BSG: variants seen among roughly 807,000 people sequenced by gnomAD.
BSG encodes the protein basigin.
In BSG, 37 loss-of-function variants were observed where a neutral mutation model predicts 43.1. The observed-to-expected ratio is 0.86, with a 90% CI of 0.66 to 1.13. The LOEUF (loss-of-function observed/expected upper bound fraction) is 1.13, where lower values mean the gene tolerates loss of function less well. BSG is among the 50% of genes most tolerant of loss of function. The pLI, the probability that BSG is intolerant of heterozygous loss-of-function variation, is 0.00. For synonymous variants in BSG, 309 were observed against 238.7 expected, an observed-to-expected ratio of 1.29 and a Z score of -2.72; for missense variants, 599 against 554.2, an observed-to-expected ratio of 1.08 and a Z score of -0.81.
intron 2 of BSG, chr19:579,249 C>G: frequency 3.3e-6 from 2 of 600,582 alleles, no homozygotes; most frequent in South Asian, 3.0e-5. Flanking sequence ...CAGCTGCCAG[C>G]GAAGGGTGCC....
upstream of BSG, chr19:572,528 A>G (rs183979701): frequency 8.7e-4 from 1,093 of 1,259,012 alleles, 33 homozygotes; most frequent in Admixed American, 0.039. Flanking sequence ...CCCCGAGATG[A>G]CGCCGTGCGT....
At chr19:579,379 G>C in intron 2 of BSG, 121 bp from the exon 3 acceptor site, 1 of 1,364,784 alleles carries the variant, frequency 7.3e-7, no homozygotes, top group Non-Finnish European at 1.0e-6. Flanking sequence ...AAGGGCCACG[G>C]TGTATTTTTG....
In BSG at chr19:579,080, C is replaced by T. The variant is rs73918141; in HGVS notation, c.416-420C>T. The T allele has an allele frequency of 9.2e-4, 421 of 459,728 alleles. 1 individual carries two copies. The highest frequency in any genetic ancestry group is 7.8e-3 in the African/African-American group (391 of 50,330). The allele number at this position is 459,728 out of a possible 1,614,324, so 28.5% of individuals were successfully genotyped here. ...TTTAGAAAAGAATTTCCAGTTTGTG[C>T]TGGGGCTGCTACAAGAGCTCGATGC... is the stretch of plus-strand genomic sequence containing the variant. On this transcript the variant is annotated intron_variant, in intron 2 of 8. Coordinates refer to ENST00000333511, the MANE Select transcript of BSG (RefSeq NM_001728.4).
intron 1 of BSG, among the ~76,000 whole-genome samples, chr19:574,116 G>C (rs182543989): frequency 5.3e-4 from 81 of 152,114 alleles, no homozygotes; most frequent in South Asian, 5.2e-3. Context: ...TTAGCTGGGC[G>C]TGTTGGCGCA....
rs371583642 is a variant in BSG at position 581,599 on chromosome 19, G to A, written c.1069+8G>A. Reference sequence around the variant, plus strand: ...CCGAGGACGTCCTGGATGGTGAGCCGTCTGCCCTCCTGCCCACATGCCCTG... The same window carrying A: ...CCGAGGACGTCCTGGATGGTGAGCCATCTGCCCTCCTGCCCACATGCCCTG... On this transcript the variant is annotated splice_region_variant and intron_variant, in intron 6 of 8. Coordinates refer to ENST00000333511, the MANE Select transcript of BSG (RefSeq NM_001728.4). 17 of 1,579,586 alleles carry A rather than the reference G, an allele frequency of 1.1e-5. No homozygotes were observed. Among genetic ancestry groups the A allele is most frequent in the Middle Eastern group, 2.2e-4 (1 of 4,476 alleles).
Position 577,887 on chromosome 19 carries a change from C to T in BSG, c.181C>T (p.Gln61Ter), listed in dbSNP as rs1219939245. 1.3e-6 allele frequency: 2 copies of T among 1,584,166 alleles called. No individual in the cohort carries two copies. Among genetic ancestry groups the T allele is most frequent in the Non-Finnish European group, 1.7e-6 (2 of 1,161,060 alleles). Residue 61 changes from glutamine (Q) to a stop codon, truncating the protein, a stop_gained, in exon 2 of 9, where the codon CAG (glutamine) becomes TAG (stop). Coordinates refer to ENST00000333511, the MANE Select transcript of BSG (RefSeq NM_001728.4). LOFTEE classifies it high-confidence loss of function. Reference protein sequence around the residue: ...VPEIQWWFEGQGPNDTCSQLW... With the variant: ...VPEIQWWFEG ...CGAGATCCAGTGGTGGTTTGAAGGGCAGGGTCCCAACGACACCTGCTCCCA... is the reference window on the plus strand; with the variant it reads ...CGAGATCCAGTGGTGGTTTGAAGGGTAGGGTCCCAACGACACCTGCTCCCA...
upstream of BSG, chr19:572,304 C>T (rs556906699): frequency 2.5e-4 from 214 of 844,690 alleles, no homozygotes; most frequent in Non-Finnish European, 3.0e-4. Flanking sequence ...GGGCGCACCG[C>T]TCTGCGCTCA....
At chr19:580,552 C>T in intron 4 of BSG, 91 bp downstream of exon 4, 1 of 1,603,850 alleles carries the variant, frequency 6.2e-7, no homozygotes, top group African/African-American at 1.3e-5. Context: ...AGCCCTGGCC[C>T]CCTGCTCCCT....
intron 1 of BSG, among the ~76,000 whole-genome samples, chr19:572,919 G>T (rs1227652818): frequency 6.6e-6 from 1 of 151,962 alleles, no homozygotes; most frequent in Non-Finnish European, 1.5e-5. Flanking sequence ...CGGCCTGCCG[G>T]GCTCCCCCGG....
intron 3 of BSG, 128 bp downstream of exon 3, chr19:579,784 C>A: frequency 7.3e-7 from 1 of 1,379,084 alleles, no homozygotes; most frequent in Non-Finnish European, 9.6e-7. Context: ...TAGGGACCAG[C>A]TCCGCGCAGA....
chr19:573,043 C>T (rs904741615), intron 1 of BSG, among the ~76,000 whole-genome samples: 1 of 127,452 alleles, frequency 7.8e-6, no homozygotes, highest in Admixed American at 7.4e-5. Context: ...GGGCGTCTTG[C>T]TTTTCGGTCA....
intron 2 of BSG, chr19:579,149 C>G (rs1015205451): frequency 2.1e-5 from 10 of 479,786 alleles, no homozygotes; most frequent in Non-Finnish European, 4.1e-5. Flanking sequence ...TTGTCTGTCC[C>G]CACACCCTGG....
At chr19:578,394 C>G (rs112902989) in intron 2 of BSG, among the ~76,000 whole-genome samples, 169 of 152,238 alleles carry the variant, frequency 1.1e-3, no homozygotes, top group Middle Eastern at 6.8e-3. Flanking sequence ...GCCATCCGTT[C>G]CGTCGTTTCT....
intron 2 of BSG, 68 bp from the exon 3 acceptor site, chr19:579,431 TG>T (rs1982079789): frequency 1.3e-6 from 2 of 1,597,080 alleles, no homozygotes; most frequent in Non-Finnish European, 1.7e-6. Flanking sequence ...CGCAGGTTCC[TG>T]GGGGTCAGGC....
At chr19:580,065 G>C in intron 3 of BSG, 1 of 435,914 alleles carries the variant, frequency 2.3e-6, no homozygotes, top group Non-Finnish European at 4.1e-6. Context: ...ACGGCCCTGG[G>C]AGCACAGAGC....
At chr19:574,499 G>A (rs1981588235) in intron 1 of BSG, among the ~76,000 whole-genome samples, 1 of 151,982 alleles carries the variant, frequency 6.6e-6, no homozygotes, top group South Asian at 2.1e-4. Flanking sequence ...CTTGCAGTGA[G>A]CCGAGATCGC....
Position 581,637 on chromosome 19 carries a change from C to G in BSG, c.1069+46C>G. 2.6e-6 allele frequency: 4 copies of G among 1,518,612 alleles called. No individual in the cohort carries two copies. The Admixed American group carries it at 7.9e-5, about 30-fold the overall frequency. The allele number at this position is 1,518,612 out of a possible 1,614,324, so 94.1% of individuals were successfully genotyped here. A position where few individuals can be genotyped will look rare whatever the true frequency, so the allele number is the denominator to read the frequency against. On this transcript the variant is annotated intron_variant, in intron 6 of 8. Transcript: ENST00000333511. ...CCCACATGCCCTGCTCTCGGGGTGG[C>G]CCAGGGCCACTCCTGGTCCGTCCCT...
chr19:582,432 C>T (rs1982406347), intron 7 of BSG, 82 bp from the exon 8 acceptor site: 26 of 1,602,442 alleles, frequency 1.6e-5, no homozygotes, highest in Non-Finnish European at 2.2e-5. Flanking sequence ...ATTCGGGGGT[C>T]CTGGGGGCCG....
At chr19:571,987 G>A (rs1288484488), upstream of BSG, 1 of 169,416 alleles carries the variant, frequency 5.9e-6, no homozygotes, top group Non-Finnish European at 1.3e-5. Flanking sequence ...TTTATACTAA[G>A]AAATTATTCA....
Sources: gnomAD v4.1 joint callset for allele counts (sites outside exome capture counted in the v4.1 genomes callset) on GRCh38, gnomAD v4.1.1 for gene constraint, MANE v1.5 for transcripts, NCBI Gene and HGNC (gene_info 2026-07-23, HGNC 2026-07-21) for gene names.